FRAS1: variants seen among roughly 807,000 people sequenced by gnomAD.
FRAS1 encodes Fraser extracellular matrix complex subunit 1.
A neutral mutation model predicts 435.2 loss-of-function variants in FRAS1; 290 were observed. That is an observed-to-expected ratio of 0.67 (90% CI 0.61 to 0.73). The LOEUF (loss-of-function observed/expected upper bound fraction) is 0.73, where lower values mean the gene tolerates loss of function less well. Ranked by LOEUF, FRAS1 falls within the 30% of genes least tolerant of loss-of-function variation. The pLI is 0.00. For missense variants in FRAS1, 4,860 were observed against 5,001.5 expected (o/e 0.97, Z 0.85); for synonymous variants, 1,800 against 1,851.0 (o/e 0.97, Z 0.71).
At chr4:78,276,040 C>T (rs1727004893) in intron 9 of FRAS1, among the ~76,000 whole-genome samples, 1 of 152,180 alleles carries the variant, frequency 6.6e-6, no homozygotes, top group African/African-American at 2.4e-5. Flanking sequence ...CTCTAAACTT[C>T]CCTTCTCGCT....
intron 6 of FRAS1, among the ~76,000 whole-genome samples, chr4:78,259,706 G>A (rs1458804349): frequency 1.4e-5 from 2 of 147,294 alleles, no homozygotes; most frequent in Admixed American, 1.4e-4. Flanking sequence ...AAGCTCTTTA[G>A]TTTAATGAGA....
chr4:78,220,759 AT>A (rs1329196985), intron 2 of FRAS1, among the ~76,000 whole-genome samples: 1 of 152,202 alleles, frequency 6.6e-6, no homozygotes, highest in Non-Finnish European at 1.5e-5. Context: ...CTCTCTAGCC[AT>A]TTTATTTAGC....
intron 18 of FRAS1, among the ~76,000 whole-genome samples, chr4:78,323,210 T>A (rs1729576903): frequency 6.6e-6 from 1 of 152,268 alleles, no homozygotes; most frequent in African/African-American, 2.4e-5. Flanking sequence ...CTAGAATTGC[T>A]GGCACAAAAG....
At chr4:78,267,910 G>A (rs1726450144) in intron 9 of FRAS1, among the ~76,000 whole-genome samples, 1 of 152,168 alleles carries the variant, frequency 6.6e-6, no homozygotes, top group Non-Finnish European at 1.5e-5. Context: ...CATGCTTTTT[G>A]TTTTTAAGAG....
At chr4:78,129,933 C>T (rs886696523) in intron 2 of FRAS1, among the ~76,000 whole-genome samples, 2 of 152,094 alleles carry the variant, frequency 1.3e-5, no homozygotes, top group African/African-American at 4.8e-5. Context: ...TGTTGCTGCC[C>T]CTGGCCCCAA....
intron 20 of FRAS1, among the ~76,000 whole-genome samples, chr4:78,341,310 A>T (rs1387396097): frequency 6.6e-6 from 1 of 152,200 alleles, no homozygotes; most frequent in Non-Finnish European, 1.5e-5. Context: ...TTGAAGTGGG[A>T]GGGAGCAGGA....
intron 59 of FRAS1, among the ~76,000 whole-genome samples, chr4:78,493,199 G>C (rs1324301828): frequency 6.6e-6 from 1 of 152,196 alleles, no homozygotes; most frequent in African/African-American, 2.4e-5. Flanking sequence ...CTTTTACACT[G>C]TTGGTGGGAG....
Position 78,252,387 on chromosome 4 carries a change from C to T in FRAS1, c.310-5C>T, listed in dbSNP as rs781229199. On this transcript the variant is annotated splice_region_variant and splice_polypyrimidine_tract_variant and intron_variant, in intron 4 of 73. Transcript: ENST00000512123. ...TTTTTTTTTTTCTGTCTCCCTAACA[C>T]ACAGCATGGGACAGAATGGGCCTCT... 5 of 1,610,324 alleles carry T rather than the reference C, an allele frequency of 3.1e-6. No individual in the cohort carries two copies. The South Asian group carries it at 3.3e-5, about 11-fold the overall frequency.
intron 31 of FRAS1, among the ~76,000 whole-genome samples, chr4:78,408,252 G>A (rs1733182717): frequency 1.3e-5 from 2 of 152,142 alleles, no homozygotes; most frequent in Admixed American, 1.3e-4. Flanking sequence ...CCAACACATG[G>A]GAATTATGGG....
intron 2 of FRAS1, among the ~76,000 whole-genome samples, chr4:78,068,341 G>A (rs187609517): frequency 6.6e-6 from 1 of 152,260 alleles, no homozygotes; most frequent in Admixed American, 6.5e-5. Flanking sequence ...TTTGATCAAA[G>A]ACATACTGAA....
At chr4:78,065,083 T>TATATATATATATATATATACACACAC (rs1383890164) in intron 1 of FRAS1, among the ~76,000 whole-genome samples, 10 of 140,596 alleles carry the variant, frequency 7.1e-5, no homozygotes, top group African/African-American at 2.6e-4. Context: ...TATATATATA[T>TATATATATATATATATATACACACAC]ACATACACAC....
intron 22 of FRAS1, among the ~76,000 whole-genome samples, chr4:78,365,748 AAAC>A (rs1418895080): frequency 1.1e-4 from 12 of 104,622 alleles, no homozygotes; most frequent in African/African-American, 5.4e-4. Flanking sequence ...AAAAAAAAAA[AAAC>A]AAAAAAAAAA....
At chr4:78,419,124 C>A in intron 33 of FRAS1, 61 bp downstream of exon 33, 1 of 909,104 alleles carries the variant, frequency 1.1e-6, no homozygotes, top group South Asian at 1.8e-5. Context: ...TTTTACCAGT[C>A]TTAATATCTC....
At chr4:78,291,852 A>C (rs1352777081) in intron 14 of FRAS1, among the ~76,000 whole-genome samples, 2 of 152,192 alleles carry the variant, frequency 1.3e-5, no homozygotes, top group African/African-American at 4.8e-5. Flanking sequence ...TTTGAGACGT[A>C]AAGAATCAAA....
At chr4:78,478,184 A>G in intron 55 of FRAS1, 123 bp downstream of exon 55, 1 of 1,112,478 alleles carries the variant, frequency 9.0e-7, no homozygotes, top group Non-Finnish European at 1.3e-6. Context: ...TCCACTTATT[A>G]ACTCATTTGG....
At chr4:78,189,482 G>C (rs1219006303) in intron 2 of FRAS1, among the ~76,000 whole-genome samples, 1 of 152,166 alleles carries the variant, frequency 6.6e-6, no homozygotes, top group African/African-American at 2.4e-5. Context: ...CAGTTCTTCA[G>C]GTTCAGAACA....
At position 78,540,899 on chromosome 4, in the gene FRAS1, C is replaced by T. The variant is rs754027670; in HGVS notation, c.11814C>T (p.Pro3938=). Residue 3938 remains proline (P), a synonymous_variant, in exon 74 of 74, where the codon CCC becomes CCT. Coordinates refer to ENST00000512123, the MANE Select transcript of FRAS1 (RefSeq NM_025074.7). Reference sequence around the variant, plus strand: ...GCCAGAAACAGAGGAAGAAGAAGCCCGCAGAGGACATTTTGGAAGAATATC... The same window carrying T: ...GCCAGAAACAGAGGAAGAAGAAGCCTGCAGAGGACATTTTGGAAGAATATC... ...RKCQKQRKKK[P]AEDILEEYPL... The T allele has an allele frequency of 5.6e-6, 9 of 1,613,818 alleles. No individual in the cohort carries two copies. The highest frequency in any genetic ancestry group is 4.5e-5 in the East Asian group (2 of 44,860).
chr4:78,417,383 G>T (rs1195533878), intron 32 of FRAS1, among the ~76,000 whole-genome samples: 2 of 152,148 alleles, frequency 1.3e-5, no homozygotes, highest in African/African-American at 4.8e-5. Context: ...TTAAAAGGTA[G>T]CAAACAGTAC....
chr4:78,364,855 T>C (rs1731202120), intron 22 of FRAS1, among the ~76,000 whole-genome samples: 1 of 152,240 alleles, frequency 6.6e-6, no homozygotes. Flanking sequence ...AGGGGTACCA[T>C]GCTGAAGGAA....
Sources: gnomAD v4.1 joint callset for allele counts (sites outside exome capture counted in the v4.1 genomes callset) on GRCh38, gnomAD v4.1.1 for gene constraint, MANE v1.5 for transcripts, NCBI Gene and HGNC (gene_info 2026-07-23, HGNC 2026-07-21) for gene names.